Variants in HMX1 observed in about 807,000 individuals in gnomAD.
The protein encoded by HMX1 is H6 family homeobox 1, also known as homeobox protein HMX1.
A neutral mutation model predicts 8.9 loss-of-function variants in HMX1; 8 were observed. The ratio of observed to expected loss-of-function variants is 0.90; its 90% confidence interval spans 0.53 to 1.63. The LOEUF (loss-of-function observed/expected upper bound fraction) is 1.63. HMX1 is among the 40% of genes most tolerant of loss of function. The pLI, the probability that HMX1 is intolerant of heterozygous loss-of-function variation, is 0.00. For synonymous variants in HMX1, 311 were observed against 283.4 expected (o/e 1.10, Z -0.98); for missense variants, 621 against 558.5 (o/e 1.11, Z -1.13).
At position 8,868,796 on chromosome 4, in the gene HMX1, G is replaced by T. The variant is rs551872316; in HGVS notation, c.395-451C>A. The stretch of plus-strand genomic sequence containing the variant: ...TGTCCTTCCGAGAAATGTTCACACC[G>T]AAAAACAAGCACAGGACACCCCCTG... On this transcript the variant is annotated intron_variant, in intron 1 of 1. Transcript: ENST00000400677. This position sits in a 1 kb window ranked among gnomAD's most constrained non-coding sequence, Gnocchi z 4.6. Among the ~76,000 whole-genome samples the T allele has an allele frequency of 6.6e-6, 1 of 152,192 alleles. No homozygotes were observed. The highest frequency in any genetic ancestry group is 1.5e-5 in the Non-Finnish European group (1 of 68,020).
rs557307100 is a variant in HMX1 at position 8,854,207 on chromosome 4, C to T, written c.395-7883G>A. On this transcript the variant is annotated intron_variant, in intron 1 of 1. Coordinates refer to the HMX1 transcript ENST00000506970. ...GGGTCGACAGATCCTGCTACACCTC[C>T]AGGGAAGTGCTCAGGGGCTGTCGGC... Among the ~76,000 whole-genome samples the T allele has an allele frequency of 2.0e-5, 3 of 152,308 alleles. No homozygotes were observed. The East Asian group carries it at 5.8e-4, about 30-fold the overall frequency.
chr4:8,858,324 A>C (rs1401187867), intron 1 of HMX1, among the ~76,000 whole-genome samples: 1 of 152,112 alleles, frequency 6.6e-6, no homozygotes, highest in African/African-American at 2.4e-5. Flanking sequence ...AGAAGCAGAA[A>C]GAGATGCCGA....
chr4:8,869,394 C>T (rs1215987977), intron 1 of HMX1, among the ~76,000 whole-genome samples: 2 of 152,242 alleles, frequency 1.3e-5, no homozygotes, highest in Admixed American at 6.5e-5. Flanking sequence ...CTGGAGCCTC[C>T]CGTGCAAAGG....
intron 1 of HMX1, among the ~76,000 whole-genome samples, chr4:8,869,625 C>T (rs1265803312): frequency 1.3e-5 from 2 of 152,224 alleles, no homozygotes; most frequent in Non-Finnish European, 2.9e-5. Context: ...TGGCCAATCC[C>T]CATGGTGTGT....
chr4:8,867,810 C>A lies in HMX1; in HGVS notation c.930G>T (p.Ala310=), dbSNP rs1722057616. Residue 310 remains alanine, a synonymous_variant, in exon 2 of 2, where the codon GCG becomes GCT. Transcript: ENST00000400677. ...CGAGCAGCGGTGGGGGCGGCGCGGG[C>A]GCGGCGGGCGCCAGCGGGAAGGGCA... The part of the protein sequence containing the change: ...ATLPFPLAPA[A]PAPPPPLLGF... 1.6e-6 allele frequency: 2 copies of A among 1,226,150 alleles called. No homozygotes were observed. The highest frequency in any genetic ancestry group is 2.0e-6 in the Non-Finnish European group (2 of 986,724). 76.0% of individuals were successfully genotyped at this position (1,226,150 alleles called of 1,614,324 possible).
In HMX1 at chr4:8,848,017, G is replaced by C. The variant is rs1053987937; in HGVS notation, c.395-1693C>G. ...ATCTGAGCTCAGCGAACCGAATTTT[G>C]AATCTAAAACTCGACACTCGATTCA... On this transcript the variant is annotated intron_variant, in intron 1 of 1. Transcript: ENST00000506970. This position sits in a 1 kb window ranked among gnomAD's most constrained non-coding sequence, Gnocchi z 4.1. Among the ~76,000 whole-genome samples the C allele has an allele frequency of 1.3e-5, 2 of 152,140 alleles. No homozygotes were observed. Among genetic ancestry groups the C allele is most frequent in the Non-Finnish European group, 2.9e-5 (2 of 68,030 alleles).
intron 1 of HMX1, among the ~76,000 whole-genome samples, chr4:8,859,530 G>C (rs1212992889): frequency 6.6e-6 from 1 of 152,164 alleles, no homozygotes; most frequent in Non-Finnish European, 1.5e-5. Flanking sequence ...GAGCCCGCTG[G>C]AAGAGGGAGA....
At chr4:8,864,160 T>C (rs1278780294), downstream of HMX1, among the ~76,000 whole-genome samples, 1 of 152,214 alleles carries the variant, frequency 6.6e-6, no homozygotes, top group Admixed American at 6.5e-5. Flanking sequence ...CCTGTTGGCC[T>C]CACTCAAATC....
At position 8,867,528 on chromosome 4, in the gene HMX1, C is replaced by G. The variant is rs574618160; in HGVS notation, c.*165G>C. 15 of 1,189,254 alleles carry G rather than the reference C, an allele frequency of 1.3e-5. No individual in the cohort carries two copies. The South Asian group carries it at 6.5e-4, about 51-fold the overall frequency. 73.7% of individuals were successfully genotyped at this position (1,189,254 alleles called of 1,614,324 possible). A position where few individuals can be genotyped will look rare whatever the true frequency, so the allele number is the denominator to read the frequency against. On this transcript the variant is annotated 3_prime_UTR_variant, in exon 2 of 2. Coordinates refer to ENST00000400677, the MANE Select transcript of HMX1 (RefSeq NM_018942.3). ...CATTACATTCTAGAGGCGCTCCCCA[C>G]AGAAGCTGAGGCCCGCCCGGCCGCG...
chr4:8,871,759 C>A lies in HMX1; in HGVS notation c.-145G>T. ...CGGGCCCCGCAGGGCAGGCGGCGGCCTCCGCGCCGGGCTGGGCTGGGCCGG... is the reference window on the plus strand; with the variant it reads ...CGGGCCCCGCAGGGCAGGCGGCGGCATCCGCGCCGGGCTGGGCTGGGCCGG... On this transcript the variant is annotated 5_prime_UTR_variant, in exon 1 of 2. It adds an upstream start codon to the 5' untranslated region. Coordinates refer to ENST00000400677, the MANE Select transcript of HMX1 (RefSeq NM_018942.3). This position sits in a 1 kb window ranked among gnomAD's most constrained non-coding sequence, Gnocchi z 4.8. The A allele has an allele frequency of 2.0e-6, 2 of 980,900 alleles. No individual in the cohort carries two copies. The highest frequency in any genetic ancestry group is 9.4e-5 in the South Asian group (2 of 21,278). 60.8% of individuals were successfully genotyped at this position (980,900 alleles called of 1,614,324 possible).
downstream of HMX1, among the ~76,000 whole-genome samples, chr4:8,862,087 G>T (rs868490103): frequency 6.6e-6 from 1 of 152,264 alleles, no homozygotes; most frequent in Non-Finnish European, 1.5e-5. Context: ...GGTGCCCTGG[G>T]TGGGGGAACC....
downstream of HMX1, among the ~76,000 whole-genome samples, chr4:8,863,263 C>T (rs761402592): frequency 5.3e-5 from 8 of 152,244 alleles, no homozygotes; most frequent in African/African-American, 1.7e-4. Flanking sequence ...ATTCCTGCCC[C>T]TCTCAGAACC....
At chr4:8,864,959 C>T (rs10046948), downstream of HMX1, among the ~76,000 whole-genome samples, 9,929 of 152,116 alleles carry the variant, frequency 0.065, 1,011 homozygotes, top group African/African-American at 0.22. Context: ...ACTGTGTAGA[C>T]CCTGCACCCT....
downstream of HMX1, among the ~76,000 whole-genome samples, chr4:8,866,285 A>G (rs1282724020): frequency 6.6e-6 from 1 of 152,170 alleles, no homozygotes; most frequent in South Asian, 2.1e-4. Flanking sequence ...GCTGCTGCCC[A>G]TCTCACCCGG....
chr4:8,857,694 G>A (rs538453503), intron 1 of HMX1, among the ~76,000 whole-genome samples: 16 of 152,330 alleles, frequency 1.1e-4, no homozygotes, highest in Admixed American at 9.8e-4. Context: ...TGAGTCTGGG[G>A]GTTCGGGAAA....
rs1342040125 is a variant in HMX1 at position 8,868,635 on chromosome 4, G to A, written c.395-290C>T. On this transcript the variant is annotated intron_variant, in intron 1 of 1. Coordinates refer to ENST00000400677, the MANE Select transcript of HMX1 (RefSeq NM_018942.3). The surrounding 1 kb of genome is among the most constrained non-coding windows in gnomAD (Gnocchi z 4.6). The stretch of plus-strand genomic sequence containing the variant: ...CCAGAGGACAACAAAGGGATGCAGA[G>A]CAAAGAAAAGAAACAAAAATACTAC... Among the ~76,000 whole-genome samples the A allele has an allele frequency of 2.0e-5, 3 of 152,060 alleles. No homozygotes were observed. The highest frequency in any genetic ancestry group is 7.2e-5 in the African/African-American group (3 of 41,394).
chr4:8,850,419 G>T (rs1043249431), intron 1 of HMX1, among the ~76,000 whole-genome samples: 1 of 152,068 alleles, frequency 6.6e-6, no homozygotes, highest in Admixed American at 6.5e-5. Flanking sequence ...AGCTCATTGT[G>T]GCCCCTCCAA....
downstream of HMX1, among the ~76,000 whole-genome samples, chr4:8,863,820 G>C (rs546990404): frequency 4.6e-5 from 7 of 152,376 alleles, no homozygotes; most frequent in African/African-American, 1.7e-4. Flanking sequence ...CAGGATTCCA[G>C]TAGCTCCGAT....
At position 8,871,121 on chromosome 4, in the gene HMX1, G is replaced by C; in HGVS notation, c.394+100C>G. 1 of 1,181,490 alleles carries C rather than the reference G, an allele frequency of 8.5e-7. No homozygotes were observed. The highest frequency in any genetic ancestry group is 1.1e-6 in the Non-Finnish European group (1 of 929,754). The allele number at this position is 1,181,490 out of a possible 1,614,324, so 73.2% of individuals were successfully genotyped here. ...GCCGTTCCACAGAAGGGAGAGGATG[G>C]CCCAGAACGGGCGGCGACGAGCCCG... On this transcript the variant is annotated intron_variant, in intron 1 of 1. Transcript: ENST00000400677. The surrounding 1 kb of genome is among the most constrained non-coding windows in gnomAD (Gnocchi z 4.8).
Sources: allele counts gnomAD v4.1 joint callset (sites outside exome capture counted in the v4.1 genomes callset), GRCh38; gene constraint gnomAD v4.1.1; non-coding constraint Gnocchi (gnomAD v3.1); transcripts MANE v1.5; gene names NCBI Gene and HGNC (gene_info 2026-07-23, HGNC 2026-07-21).